The following MTMR12 variants were observed in gnomAD, a reference collection of about 807,000 sequenced individuals.
The protein encoded by MTMR12 is myotubularin related protein 12, also known as myotubularin-related protein 12.
A neutral mutation model predicts 96.7 loss-of-function variants in MTMR12; 33 were observed. That is an observed-to-expected ratio of 0.34 (90% CI 0.26 to 0.46). The LOEUF (loss-of-function observed/expected upper bound fraction) is 0.46, where lower values mean the gene tolerates loss of function less well. MTMR12 is among the 20% of genes least tolerant of loss of function. MTMR12 has a pLI of 1.00. For missense variants in MTMR12, 721 were observed against 896.1 expected, an observed-to-expected ratio of 0.80 and a Z score of 2.49; for synonymous variants, 298 against 327.2, an observed-to-expected ratio of 0.91 and a Z score of 0.96.
At chr5:32,285,357 CAAAA>C (rs35792337) in intron 1 of MTMR12, among the ~76,000 whole-genome samples, 1 of 109,686 alleles carries the variant, frequency 9.1e-6, no homozygotes, top group African/African-American at 3.4e-5. Context: ...GATTCCATTT[CAAAA>C]AAAAAAAAAA....
chr5:32,243,540 T>G lies in MTMR12; in HGVS notation c.1081A>C (p.Ser361Arg). 6.2e-7 allele frequency: 1 copy of G among 1,612,138 alleles called. No homozygotes were observed. The highest frequency in any genetic ancestry group is 8.5e-7 in the Non-Finnish European group (1 of 1,178,430). ...AAATACCTGATTATGTCAAGCCAGC[T>G]GCTACTTTCCAACAGAGAAAACCAT... ...IKWFSLLESS[S>R]WLDIIRRCLK... Residue 361 changes from serine to arginine, a missense_variant, in exon 11 of 16, where the codon AGC becomes CGC. Ser to Arg is a moderately radical substitution (Grantham distance 110). Transcript: ENST00000382142.
chr5:32,261,892 G>A (rs537442011), intron 7 of MTMR12, among the ~76,000 whole-genome samples: 36 of 152,352 alleles, frequency 2.4e-4, no homozygotes, highest in African/African-American at 8.7e-4. Context: ...CTAACAGGGT[G>A]AAACCCTGTC....
chr5:32,243,936 A>C (rs1748575947), intron 10 of MTMR12, among the ~76,000 whole-genome samples: 1 of 152,208 alleles, frequency 6.6e-6, no homozygotes, highest in South Asian at 2.1e-4. Flanking sequence ...CCAGGCTGTT[A>C]ATTCTAGAAG....
At chr5:32,234,830 T>C (rs1748145397) in intron 14 of MTMR12, 132 bp downstream of exon 14, 1 of 798,046 alleles carries the variant, frequency 1.3e-6, no homozygotes, top group Non-Finnish European at 1.9e-6. Context: ...TAATCTTCTC[T>C]GTATTATTCC....
Position 32,233,301 on chromosome 5 carries a change from T to C in MTMR12, c.1674+472A>G, listed in dbSNP as rs1748073174. 6.6e-6 allele frequency among the ~76,000 whole-genome samples: 1 copy of C among 151,536 alleles called. No individual in the cohort carries two copies. ...CTTTTGTACTACAACAGTAGAGGGG[T>C]AGTTGTGACAGAGACTTTGCAGCCC... On this transcript the variant is annotated intron_variant, in intron 15 of 15. Transcript: ENST00000382142. This position sits in a 1 kb window ranked among gnomAD's most constrained non-coding sequence, Gnocchi z 5.0.
At chr5:32,259,161 A>G (rs1338642564) in intron 7 of MTMR12, among the ~76,000 whole-genome samples, 1 of 152,222 alleles carries the variant, frequency 6.6e-6, no homozygotes, top group Non-Finnish European at 1.5e-5. Context: ...AACACAAAGT[A>G]AACAGTTCCT....
intron 7 of MTMR12, among the ~76,000 whole-genome samples, chr5:32,261,446 T>G (rs1291753606): frequency 6.6e-6 from 1 of 152,048 alleles, no homozygotes; most frequent in Non-Finnish European, 1.5e-5. Flanking sequence ...GACTCAAGCT[T>G]TCACTTCCTT....
At chr5:32,252,496 A>C (rs561369909) in intron 8 of MTMR12, among the ~76,000 whole-genome samples, 2 of 152,328 alleles carry the variant, frequency 1.3e-5, no homozygotes, top group East Asian at 3.9e-4. Context: ...TTGAGTGCTT[A>C]TATGCCAGGT....
chr5:32,233,656 C>A lies in MTMR12; in HGVS notation c.1674+117G>T. The A allele has an allele frequency of 7.1e-7, 1 of 1,414,074 alleles. No homozygotes were observed. 87.6% of individuals were successfully genotyped at this position (1,414,074 alleles called of 1,614,324 possible). On this transcript the variant is annotated intron_variant, in intron 15 of 15. Transcript: ENST00000382142. This position sits in a 1 kb window ranked among gnomAD's most constrained non-coding sequence, Gnocchi z 5.0. ...AATTTGACCATCACAAGTCTCAACT[C>A]TGCAGACTGCTTCGAGGGGTAGAAA...
intron 10 of MTMR12, among the ~76,000 whole-genome samples, chr5:32,246,133 T>G (rs1748668544): frequency 6.6e-6 from 1 of 152,076 alleles, no homozygotes; most frequent in African/African-American, 2.4e-5. Flanking sequence ...CTGAAGCTGA[T>G]CTGGGCACAA....
Position 32,230,527 on chromosome 5 carries a change from T to C in MTMR12, c.1675-180A>G, listed in dbSNP as rs975248431. ...TCCAGAGGTGGGGTATTCCTGTGTA[T>C]TGCCATGGTGCACACTGTACCAGAA... On this transcript the variant is annotated intron_variant, in intron 15 of 15. Coordinates refer to ENST00000382142, the MANE Select transcript of MTMR12 (RefSeq NM_001040446.3). Among the ~76,000 whole-genome samples, 9 of 152,328 alleles carry C rather than the reference T, an allele frequency of 5.9e-5. No individual in the cohort carries two copies. The South Asian group carries it at 1.9e-3, about 32-fold the overall frequency.
At chr5:32,280,901 T>C (rs1469988401) in intron 1 of MTMR12, among the ~76,000 whole-genome samples, 3 of 152,096 alleles carry the variant, frequency 2.0e-5, no homozygotes, top group Non-Finnish European at 2.9e-5. Context: ...TAGCAGGATC[T>C]GTGCTTCTGC....
At chr5:32,249,794 T>C (rs1469737446) in intron 8 of MTMR12, among the ~76,000 whole-genome samples, 2 of 152,164 alleles carry the variant, frequency 1.3e-5, no homozygotes, top group Admixed American at 1.3e-4. Context: ...TTACAACTGA[T>C]CTTGGGGCAA....
Position 32,279,681 on chromosome 5 carries a change from G to C in MTMR12, c.82-2939C>G, listed in dbSNP as rs749746470. 2.2e-4 allele frequency among the ~76,000 whole-genome samples: 34 copies of C among 152,258 alleles called. 1 individual carries two copies. Among genetic ancestry groups the C allele is most frequent in the Non-Finnish European group, 7.3e-5 (5 of 68,050 alleles). On this transcript the variant is annotated intron_variant, in intron 1 of 15. Transcript: ENST00000382142. ...AGCATTCCCCAAACTTTTGGAGCTA[G>C]GTGTTGGTTTCACGGAAGACAATTT... is the stretch of plus-strand genomic sequence containing the variant.
intron 10 of MTMR12, among the ~76,000 whole-genome samples, chr5:32,244,466 C>A (rs1172474826): frequency 6.6e-6 from 1 of 152,158 alleles, no homozygotes; most frequent in Non-Finnish European, 1.5e-5. Context: ...TGGCCCATGC[C>A]TGTAATCCCA....
At chr5:32,260,037 C>CAAAA (rs55822680) in intron 7 of MTMR12, among the ~76,000 whole-genome samples, 1 of 54,804 alleles carries the variant, frequency 1.8e-5, no homozygotes, top group Non-Finnish European at 3.9e-5. Context: ...CTCAGTCTCC[C>CAAAA]AAAAAAAAAA....
At chr5:32,246,479 T>C (rs1422392253) in intron 10 of MTMR12, among the ~76,000 whole-genome samples, 1 of 152,216 alleles carries the variant, frequency 6.6e-6, no homozygotes, top group Admixed American at 6.5e-5. Context: ...TGCTCAACTT[T>C]ATCCTTTCAG....
intron 1 of MTMR12, among the ~76,000 whole-genome samples, chr5:32,287,635 T>G (rs1444575708): frequency 6.6e-6 from 1 of 152,212 alleles, no homozygotes; most frequent in Non-Finnish European, 1.5e-5. Context: ...AACAGAATAG[T>G]AAGGATGGCA....
chr5:32,306,256 T>G (rs904008468), intron 1 of MTMR12, among the ~76,000 whole-genome samples: 17 of 152,124 alleles, frequency 1.1e-4, no homozygotes, highest in African/African-American at 4.1e-4. Context: ...GGTACTCAAC[T>G]TCTGAGTCTC....
Sources: allele counts gnomAD v4.1 joint callset (sites outside exome capture counted in the v4.1 genomes callset), GRCh38; gene constraint gnomAD v4.1.1; non-coding constraint Gnocchi (gnomAD v3.1); transcripts MANE v1.5; gene names NCBI Gene and HGNC (gene_info 2026-07-23, HGNC 2026-07-21).